The following PDE1A variants were observed in gnomAD, a reference collection of about 807,000 sequenced individuals.
The protein encoded by PDE1A is dual specificity calcium/calmodulin-dependent 3',5'-cyclic nucleotide phosphodiesterase 1A.
Under a neutral mutation model 61.7 loss-of-function variants are expected in PDE1A, and 35 were observed. That is an observed-to-expected ratio of 0.57 (90% CI 0.43 to 0.75). The LOEUF is 0.75. Ranked by LOEUF, PDE1A falls within the 30% of genes least tolerant of loss-of-function variation. The pLI, the probability that PDE1A is intolerant of heterozygous loss-of-function variation, is 0.00. For missense variants in PDE1A, 597 were observed against 630.6 expected (o/e 0.95, Z 0.57); for synonymous variants, 232 against 213.2 (o/e 1.09, Z -0.77).
At chr2:182,527,323 AAAAAATAT>A (rs1690789502), upstream of PDE1A, among the ~76,000 whole-genome samples, 1 of 41,074 alleles carries the variant, frequency 2.4e-5, no homozygotes, top group African/African-American at 1.1e-4. Flanking sequence ...AAAAAAAAAA[AAAAAATAT>A]ATATATATAT....
At chr2:182,581,600 A>G in the PDE1A span, among the ~76,000 whole-genome samples, 1 of 152,230 alleles carries the variant, frequency 6.6e-6, no homozygotes, top group Non-Finnish European at 1.5e-5. Context: ...GTTAACTGTC[A>G]GTCTTCCCTG....
intron 9 of PDE1A, 38 bp downstream of exon 9, chr2:182,201,650 C>CAAAA (rs56413404): frequency 0.035 from 43,988 of 1,252,410 alleles, 404 homozygotes; most frequent in East Asian, 0.048. Flanking sequence ...TTTAACATGA[C>CAAAA]AAAAAAAAAA....
At chr2:182,552,861 G>T in the PDE1A span, among the ~76,000 whole-genome samples, 1 of 152,154 alleles carries the variant, frequency 6.6e-6, no homozygotes, top group African/African-American at 2.4e-5. Flanking sequence ...GCACTCTTCT[G>T]GTCCATGTTT....
the PDE1A span, among the ~76,000 whole-genome samples, chr2:182,693,044 C>T: frequency 6.6e-6 from 1 of 152,088 alleles, no homozygotes; most frequent in Non-Finnish European, 1.5e-5. Context: ...GAGCTATGAT[C>T]ATGCAACTGC....
At chr2:182,179,161 G>C (rs548621925) in intron 13 of PDE1A, among the ~76,000 whole-genome samples, 74 of 152,328 alleles carry the variant, frequency 4.9e-4, no homozygotes, top group African/African-American at 1.7e-3. Context: ...GAGAAATAAT[G>C]AAGGGTATAT....
chr2:182,609,324 C>G, the PDE1A span, among the ~76,000 whole-genome samples: 4 of 152,194 alleles, frequency 2.6e-5, no homozygotes, highest in Non-Finnish European at 2.9e-5. Context: ...GCAGGATGTG[C>G]GTGGCACCAG....
At chr2:182,174,975 A>G (rs1361523058) in intron 13 of PDE1A, among the ~76,000 whole-genome samples, 1 of 152,102 alleles carries the variant, frequency 6.6e-6, no homozygotes, top group African/African-American at 2.4e-5. Context: ...AGTCCCACTT[A>G]TAAGTAAGAA....
chr2:182,441,232 C>G (rs146744492), intron 2 of PDE1A, among the ~76,000 whole-genome samples: 5,727 of 152,182 alleles, frequency 0.038, 157 homozygotes, highest in Middle Eastern at 0.13. Context: ...TTATCTCCAC[C>G]TGGCCCCATC....
intron 2 of PDE1A, among the ~76,000 whole-genome samples, chr2:182,443,778 A>T (rs1488011151): frequency 7.1e-6 from 1 of 140,238 alleles, no homozygotes; most frequent in African/African-American, 2.7e-5. Context: ...ATCTTGGCTC[A>T]CTGCAAACTC....
the PDE1A span, among the ~76,000 whole-genome samples, chr2:182,674,107 A>C: frequency 6.6e-6 from 1 of 151,880 alleles, no homozygotes; most frequent in African/African-American, 2.4e-5. Flanking sequence ...GGAATAGAAA[A>C]TGTATAGAAT....
intron 1 of PDE1A, among the ~76,000 whole-genome samples, chr2:182,334,811 A>G (rs1367824995): frequency 2.0e-5 from 3 of 152,210 alleles, no homozygotes; most frequent in Admixed American, 1.3e-4. Flanking sequence ...AAGCGTATTC[A>G]AATAGGAAGA....
intron 2 of PDE1A, among the ~76,000 whole-genome samples, chr2:182,507,297 A>T (rs769633209): frequency 2.0e-5 from 3 of 152,222 alleles, no homozygotes; most frequent in Non-Finnish European, 4.4e-5. Context: ...GTTGTGCAAC[A>T]AAACACCGAC....
chr2:182,237,434 A>T (rs1199551023), intron 3 of PDE1A, among the ~76,000 whole-genome samples: 2 of 152,022 alleles, frequency 1.3e-5, no homozygotes, highest in Non-Finnish European at 2.9e-5. Flanking sequence ...ACGGAGATCA[A>T]GCCACTGCAC....
intron 13 of PDE1A, among the ~76,000 whole-genome samples, chr2:182,156,882 T>G (rs570650009): frequency 1.3e-5 from 2 of 152,188 alleles, no homozygotes; most frequent in South Asian, 4.1e-4. Context: ...TAAAATCCAG[T>G]ATAAATATAT....
At chr2:182,632,214 T>C in the PDE1A span, among the ~76,000 whole-genome samples, 1 of 152,094 alleles carries the variant, frequency 6.6e-6, no homozygotes, top group Non-Finnish European at 1.5e-5. Flanking sequence ...CAAACAAAAA[T>C]ACAGTATGCT....
At chr2:182,364,412 G>T (rs1699693204) in intron 1 of PDE1A, among the ~76,000 whole-genome samples, 2 of 116,438 alleles carry the variant, frequency 1.7e-5, no homozygotes. Context: ...ATCAATTTTA[G>T]TTTAATTTAA....
At chr2:182,406,061 C>T (rs2125484769) in intron 1 of PDE1A, among the ~76,000 whole-genome samples, 1 of 152,020 alleles carries the variant, frequency 6.6e-6, no homozygotes, top group South Asian at 2.1e-4. Context: ...ATAATAATAG[C>T]TATCATTTAT....
chr2:182,598,639 T>C, the PDE1A span, among the ~76,000 whole-genome samples: 95 of 152,166 alleles, frequency 6.2e-4, 1 homozygote, highest in East Asian at 0.011. Context: ...TTTCCCATGT[T>C]CTATACTCCC....
At chr2:182,525,695 CTTTAT>C (rs372094518), upstream of PDE1A, among the ~76,000 whole-genome samples, 117 of 152,276 alleles carry the variant, frequency 7.7e-4, 1 homozygote, top group East Asian at 0.02. Context: ...AACCTCTTTT[CTTTAT>C]AAGTTACCCA....
Sources: allele counts gnomAD v4.1 joint callset (sites outside exome capture counted in the v4.1 genomes callset), GRCh38; gene constraint gnomAD v4.1.1; transcripts MANE v1.5; gene names NCBI Gene and HGNC (gene_info 2026-07-23, HGNC 2026-07-21).